The following PEX1 variants were observed in gnomAD, a reference collection of about 807,000 sequenced individuals.
PEX1 encodes the protein peroxisomal biogenesis factor 1.
PEX1 carries 97 observed loss-of-function variants against 152.5 expected under a neutral mutation model. That is an observed-to-expected ratio of 0.64 (90% CI 0.54 to 0.75). The LOEUF is 0.75. PEX1 is among the 30% of genes least tolerant of loss of function. The pLI, the probability that PEX1 is intolerant of heterozygous loss-of-function variation, is 0.00. For missense variants in PEX1, 1,357 were observed against 1,516.3 expected (o/e 0.89, Z 1.74); for synonymous variants, 485 against 531.6 (o/e 0.91, Z 1.21).
At position 92,528,331 on chromosome 7, in the gene PEX1, G is replaced by A; in HGVS notation, c.105C>T (p.Leu35=). The change falls in exon 1 of 24, where the codon CTC becomes CTT. Residue 35 remains leucine, a synonymous_variant. Coordinates refer to ENST00000248633, the MANE Select transcript of PEX1 (RefSeq NM_000466.3). ...CCTGCAGCAGATGCAGCTGGGCCAC[G>A]AGACGCCGCGGCAGGTGGAGGAAGC... ...RDCFLHLPRR[L]VAQLHLLQNQ... The A allele has an allele frequency of 6.4e-7, 1 of 1,566,646 alleles. No homozygotes were observed. The highest frequency in any genetic ancestry group is 1.4e-5 in the African/African-American group (1 of 74,058).
chr7:92,499,722 C>T lies in PEX1; in HGVS notation c.2700G>A (p.Met900Ile). The T allele has an allele frequency of 1.2e-6, 2 of 1,613,100 alleles. No homozygotes were observed. Among genetic ancestry groups the T allele is most frequent in the African/African-American group, 2.7e-5 (2 of 74,992 alleles). Reference protein sequence around the residue: ...LAGVIARESRMNFISVKGPEL... With the variant: ...LAGVIARESRINFISVKGPEL... ...AACATACCTTGACACTTATAAAATT[C>T]ATTCTACTCTCTCGTGCAATTACCC... The change falls in exon 16 of 24, where the codon ATG (methionine) becomes ATA (isoleucine). Residue 900 changes from methionine (M) to isoleucine (I), a missense_variant. Physicochemically the swap from Met to Ile is conservative, Grantham distance 10. Coordinates refer to ENST00000248633, the MANE Select transcript of PEX1 (RefSeq NM_000466.3).
At chr7:92,522,937 A>C (rs1240033424) in intron 1 of PEX1, among the ~76,000 whole-genome samples, 3 of 152,224 alleles carry the variant, frequency 2.0e-5, no homozygotes, top group Non-Finnish European at 4.4e-5. Flanking sequence ...ACCCTTCCAG[A>C]AACGTTATAT....
chr7:92,501,975 G>T lies in PEX1; in HGVS notation c.2331C>A (p.Gly777=), dbSNP rs10278857. 0.92 allele frequency: 1,482,832 copies of T among 1,613,548 alleles called. 681,914 individuals carry two copies. Among genetic ancestry groups the T allele is most frequent in the African/African-American group, 0.98 (73,266 of 75,050 alleles). ...CTGTAAAATCTCTAGCCACAAACCC[G>T]CCAGTTTCTTTAGCTACATGCTGCA... is the stretch of plus-strand genomic sequence containing the variant. The part of the protein sequence containing the change: ...LDLQHVAKET[G]GFVARDFTVL... The change falls in exon 14 of 24, where the codon GGC becomes GGA. Residue 777 remains glycine (G), a synonymous_variant. Transcript: ENST00000248633.
rs35337329 is a variant in PEX1, at chr7:92,510,143, C to CA, written c.1588-733dup. On this transcript the variant is annotated intron_variant, in intron 8 of 23. Coordinates refer to ENST00000248633, the MANE Select transcript of PEX1 (RefSeq NM_000466.3). Reference sequence around the variant, plus strand: ...TGGGTGACAGAGTGAGACTCCATCTCAAAAAAAAAAAAAAGATGACTCTTA... The same window carrying CA: ...TGGGTGACAGAGTGAGACTCCATCTCAAAAAAAAAAAAAAAGATGACTCTTA... 1.5e-3 allele frequency among the ~76,000 whole-genome samples: 211 copies of CA among 137,992 alleles called. 2 individuals carry two copies. The highest frequency in any genetic ancestry group is 5.2e-3 in the African/African-American group (189 of 36,480). The allele number at this position is 137,992 out of a possible 152,430, so 90.5% of individuals were successfully genotyped here.
At position 92,489,306 on chromosome 7, in the gene PEX1, T is replaced by C; in HGVS notation, c.3754A>G (p.Asn1252Asp). ...RPSISEDDWK[N>D]FAELYESFQN... is the part of the protein sequence containing the mutation. ...TCTGTTACTTACAGCTCAGCAAAAT[T>C]CTTCCAGTCATCTTCACTAATGGAT... Residue 1252 changes from asparagine (N) to aspartate (D), a missense_variant, in exon 23 of 24, where the codon AAT becomes GAT. Coordinates refer to ENST00000248633, the MANE Select transcript of PEX1 (RefSeq NM_000466.3). 3.1e-6 allele frequency: 5 copies of C among 1,613,746 alleles called. No homozygotes were observed. Among genetic ancestry groups the C allele is most frequent in the Non-Finnish European group, 4.2e-6 (5 of 1,179,758 alleles).
Position 92,525,219 on chromosome 7 carries a change from G to A in PEX1, c.130-2974C>T, listed in dbSNP as rs71560822. Among the ~76,000 whole-genome samples the A allele has an allele frequency of 7.4e-3, 1,131 of 152,292 alleles. 7 individuals carry two copies. Among genetic ancestry groups the A allele is most frequent in the African/African-American group, 0.023 (939 of 41,568 alleles). On this transcript the variant is annotated intron_variant, in intron 1 of 23. Coordinates refer to ENST00000248633, the MANE Select transcript of PEX1 (RefSeq NM_000466.3). Reference sequence around the variant, plus strand: ...AAGAAAGAGACAGCTAGAAAGGAGCGTCTTTTCCAGGAGTCAAATCAAATC... The same window carrying A: ...AAGAAAGAGACAGCTAGAAAGGAGCATCTTTTCCAGGAGTCAAATCAAATC...
At chr7:92,498,090 A>AC (rs1199888704) in intron 16 of PEX1, among the ~76,000 whole-genome samples, 19 of 151,126 alleles carry the variant, frequency 1.3e-4, no homozygotes, top group African/African-American at 3.6e-4. Context: ...AAAAAAAAAA[A>AC]CTAAGGCAAA....
intron 1 of PEX1, among the ~76,000 whole-genome samples, chr7:92,524,938 A>G (rs1279185679): frequency 6.6e-6 from 1 of 152,218 alleles, no homozygotes; most frequent in Non-Finnish European, 1.5e-5. Context: ...AACTTAAGAG[A>G]TGGAAATATG....
rs2116298363 is a variant in PEX1, at chr7:92,528,312, G to A, written c.124C>T (p.Leu42=). 1 of 1,559,568 alleles carries A rather than the reference G, an allele frequency of 6.4e-7. No individual in the cohort carries two copies. Among genetic ancestry groups the A allele is most frequent in the Non-Finnish European group, 8.7e-7 (1 of 1,153,730 alleles). The change falls in exon 1 of 24, where the codon CTG becomes TTG. Residue 42 remains leucine, a synonymous_variant. Transcript: ENST00000248633. ...PRRLVAQLHL[L]QNQAIEVVWS... is the part of the protein sequence containing the mutation. ...GCTCGGGGCCGGCAGGTTACCTGCA[G>A]CAGATGCAGCTGGGCCACGAGACGC...
intron 19 of PEX1, 85 bp from the exon 20 acceptor site, chr7:92,493,214 A>T: frequency 2.5e-6 from 2 of 795,896 alleles, no homozygotes; most frequent in Non-Finnish European, 4.0e-6. Context: ...TTTTCTTCAT[A>T]AATTAACCTT....
At chr7:92,513,524 C>G (rs1250246640) in intron 6 of PEX1, among the ~76,000 whole-genome samples, 1 of 151,964 alleles carries the variant, frequency 6.6e-6, no homozygotes. Flanking sequence ...ACACAATATA[C>G]ATTAGAGATT....
At chr7:92,518,921 G>C in intron 3 of PEX1, 74 bp downstream of exon 3, 1 of 1,075,890 alleles carries the variant, frequency 9.3e-7, no homozygotes, top group Non-Finnish European at 1.4e-6. Context: ...ATAAAGCTTA[G>C]AGAAAGCTAA....
intron 5 of PEX1, among the ~76,000 whole-genome samples, chr7:92,517,053 A>T (rs1292968328): frequency 6.6e-6 from 1 of 152,216 alleles, no homozygotes; most frequent in Admixed American, 6.5e-5. Context: ...GCCTGAACCT[A>T]TCTAAGCTTG....
intron 19 of PEX1, chr7:92,493,990 T>TG: frequency 3.1e-6 from 1 of 325,942 alleles, no homozygotes; most frequent in Non-Finnish European, 5.9e-6. Context: ...GACAGGATAA[T>TG]GGAAGTATGT....
chr7:92,524,557 A>G (rs1422450822), intron 1 of PEX1, among the ~76,000 whole-genome samples: 1 of 152,178 alleles, frequency 6.6e-6, no homozygotes, highest in Non-Finnish European at 1.5e-5. Context: ...GTGAGCCACC[A>G]TAGCCAGCTT....
At chr7:92,528,134 T>A (rs900053640) in intron 1 of PEX1, among the ~76,000 whole-genome samples, 173 bp downstream of exon 1, 1 of 152,252 alleles carries the variant, frequency 6.6e-6, no homozygotes, top group Admixed American at 6.5e-5. Flanking sequence ...AGGGCTGCAC[T>A]GGACTTGTGG....
At chr7:92,513,822 G>C (rs200834066) in intron 6 of PEX1, 26 bp downstream of exon 6, 29 of 1,545,556 alleles carry the variant, frequency 1.9e-5, no homozygotes, top group Non-Finnish European at 2.5e-5. Flanking sequence ...AAAGAATTTT[G>C]ATGTAACATA....
At chr7:92,512,522 C>T (rs972865118) in intron 6 of PEX1, among the ~76,000 whole-genome samples, 4 of 151,906 alleles carry the variant, frequency 2.6e-5, no homozygotes, top group Admixed American at 1.3e-4. Flanking sequence ...AATAGAGTCT[C>T]GCTCTGTTAC....
At chr7:92,490,632 CAAAAAAAAAA>C (rs35917694) in intron 21 of PEX1, among the ~76,000 whole-genome samples, 5 of 79,636 alleles carry the variant, frequency 6.3e-5, no homozygotes, top group Non-Finnish European at 1.2e-4. Context: ...GAGACTGTCT[CAAAAAAAAAA>C]AAAAAAAAAA....
Sources: gnomAD v4.1 joint callset for allele counts (sites outside exome capture counted in the v4.1 genomes callset) on GRCh38, gnomAD v4.1.1 for gene constraint, MANE v1.5 for transcripts, NCBI Gene and HGNC (gene_info 2026-07-23, HGNC 2026-07-21) for gene names.